JMJD1C: variants seen among roughly 807,000 people sequenced by gnomAD.
The protein encoded by JMJD1C is jumonji domain-containing protein 1C.
In JMJD1C, 31 loss-of-function variants were observed where a neutral mutation model predicts 245.3. The observed-to-expected ratio is 0.13, with a 90% confidence interval of 0.09 to 0.17. The LOEUF is 0.17. Among genes scored for constraint, JMJD1C ranks in the 10% least tolerant of loss-of-function variants. The probability of loss-of-function intolerance (pLI) is 1.00; values close to 1 mark genes in which losing one functional copy is unlikely to be tolerated. For synonymous variants in JMJD1C, 1,057 were observed against 1,017.4 expected (o/e 1.04, Z -0.74); for missense variants, 2,691 against 3,000.2 (o/e 0.90, Z 2.41).
chr10:63,277,727 A>ATTTTTTTTTTTTTTTTTT (rs1389505532), intron 2 of JMJD1C, among the ~76,000 whole-genome samples: 2 of 83,164 alleles, frequency 2.4e-5, no homozygotes, highest in African/African-American at 1.1e-4. Context: ...AGTAATTTGC[A>ATTTTTTTTTTTTTTTTTT]TTTCTTTTTT....
At chr10:63,240,415 T>C (rs1319669080) in intron 3 of JMJD1C, among the ~76,000 whole-genome samples, 3 of 152,152 alleles carry the variant, frequency 2.0e-5, no homozygotes, top group African/African-American at 7.2e-5. Context: ...AAAAGGACAG[T>C]GATCCAGTGT....
At chr10:63,250,689 G>C (rs1400692937) in intron 3 of JMJD1C, among the ~76,000 whole-genome samples, 1 of 152,312 alleles carries the variant, frequency 6.6e-6, no homozygotes, top group African/African-American at 2.4e-5. Context: ...TGCGATGAGA[G>C]AAACAGTTAG....
At chr10:63,183,617 A>T (rs761544238) in intron 21 of JMJD1C, 48 bp from the exon 22 acceptor site, 1 of 1,131,276 alleles carries the variant, frequency 8.8e-7, no homozygotes, top group Non-Finnish European at 1.2e-6. Context: ...ATATATATGT[A>T]ATAGCATAAT....
In JMJD1C at chr10:63,282,236, A is replaced by G. The variant is rs575103853; in HGVS notation, c.334-17472T>C. Reference sequence around the variant, plus strand: ...ATGTCAGCAACAATCTGGAAGCCAAATTTTTCAATGGACAAATGAGATACA... The same window carrying G: ...ATGTCAGCAACAATCTGGAAGCCAAGTTTTTCAATGGACAAATGAGATACA... On this transcript the variant is annotated intron_variant, in intron 2 of 25. Transcript: ENST00000399262. Among the ~76,000 whole-genome samples the G allele has an allele frequency of 3.5e-4, 54 of 152,290 alleles. 1 individual carries two copies. Among genetic ancestry groups the G allele is most frequent in the African/African-American group, 1.2e-3 (51 of 41,568 alleles).
At chr10:63,450,564 AG>A (rs1951994778) in intron 1 of JMJD1C, among the ~76,000 whole-genome samples, 1 of 152,186 alleles carries the variant, frequency 6.6e-6, no homozygotes, top group African/African-American at 2.4e-5. Context: ...CACATAATGA[AG>A]GGAAAAAAAA....
At chr10:63,277,105 TCTC>T (rs1237212870) in intron 2 of JMJD1C, among the ~76,000 whole-genome samples, 1 of 151,748 alleles carries the variant, frequency 6.6e-6, no homozygotes, top group African/African-American at 2.4e-5. Context: ...ATGGTCTCGA[TCTC>T]CTGACCTCGT....
At chr10:63,451,249 C>G (rs1952051874) in intron 1 of JMJD1C, among the ~76,000 whole-genome samples, 1 of 152,172 alleles carries the variant, frequency 6.6e-6, no homozygotes, top group East Asian at 1.9e-4. Flanking sequence ...TTAATATCCC[C>G]ATGTTTTCTA....
At chr10:63,324,738 T>G (rs1941319473) in intron 2 of JMJD1C, among the ~76,000 whole-genome samples, 1 of 152,184 alleles carries the variant, frequency 6.6e-6, no homozygotes, top group African/African-American at 2.4e-5. Flanking sequence ...TGGTGATAAG[T>G]GATTTAGAGA....
chr10:63,452,080 G>A lies in JMJD1C; in HGVS notation c.168+13415C>T, dbSNP rs4746134. Among the ~76,000 whole-genome samples the A allele has an allele frequency of 2.0e-3, 310 of 152,226 alleles. 6 individuals are homozygous for A. The East Asian group carries it at 0.024, about 12-fold the overall frequency. Reference sequence around the variant, plus strand: ...CAAAAGCACCAACAACAAAATAAAAGATGGATACATTGAACTACATTAAAA... The same window carrying A: ...CAAAAGCACCAACAACAAAATAAAAAATGGATACATTGAACTACATTAAAA... On this transcript the variant is annotated intron_variant, in intron 1 of 25. Coordinates refer to ENST00000399262, the MANE Select transcript of JMJD1C (RefSeq NM_032776.3).
At chr10:63,206,174 G>T (rs1432537199) in intron 10 of JMJD1C, among the ~76,000 whole-genome samples, 1 of 152,210 alleles carries the variant, frequency 6.6e-6, no homozygotes, top group Non-Finnish European at 1.5e-5. Flanking sequence ...ATATGTGTAT[G>T]TGAGCAGAAT....
chr10:63,308,506 G>A (rs755636115), intron 2 of JMJD1C, among the ~76,000 whole-genome samples: 1 of 151,282 alleles, frequency 6.6e-6, no homozygotes, highest in Non-Finnish European at 1.5e-5. Flanking sequence ...GCAACATGTA[G>A]GAAAAAGAGA....
chr10:63,363,553 T>C (rs543828235), intron 2 of JMJD1C, among the ~76,000 whole-genome samples: 445 of 151,954 alleles, frequency 2.9e-3, no homozygotes, highest in Admixed American at 4.9e-3. Context: ...CCACCACGCC[T>C]AACCCATACA....
At chr10:63,225,118 G>A (rs1050502745) in intron 3 of JMJD1C, among the ~76,000 whole-genome samples, 10 of 151,966 alleles carry the variant, frequency 6.6e-5, no homozygotes, top group African/African-American at 2.2e-4. Context: ...ACACTTTAAA[G>A]ACAGTAACTA....
chr10:63,340,365 C>G (rs892949197), intron 2 of JMJD1C, among the ~76,000 whole-genome samples: 2 of 152,200 alleles, frequency 1.3e-5, no homozygotes, highest in Admixed American at 1.3e-4. Flanking sequence ...ATGACAATGG[C>G]AGGCTCCACA....
chr10:63,395,744 T>TC (rs1948443128), intron 1 of JMJD1C, among the ~76,000 whole-genome samples: 1 of 152,180 alleles, frequency 6.6e-6, no homozygotes, highest in African/African-American at 2.4e-5. Flanking sequence ...TAGCAGATAA[T>TC]ATAATGAAAT....
At chr10:63,341,858 G>A (rs746963440) in intron 2 of JMJD1C, among the ~76,000 whole-genome samples, 2 of 152,236 alleles carry the variant, frequency 1.3e-5, no homozygotes, top group Non-Finnish European at 2.9e-5. Flanking sequence ...AACTGTAGGT[G>A]TGGAAGGTTT....
At chr10:63,235,449 G>C (rs1850622606) in intron 3 of JMJD1C, among the ~76,000 whole-genome samples, 1 of 152,048 alleles carries the variant, frequency 6.6e-6, no homozygotes, top group Non-Finnish European at 1.5e-5. Flanking sequence ...GTGAGCCGAG[G>C]TTGTGCCATT....
chr10:63,210,491 G>A (rs1002130518), intron 8 of JMJD1C, among the ~76,000 whole-genome samples: 1 of 152,136 alleles, frequency 6.6e-6, no homozygotes, highest in Non-Finnish European at 1.5e-5. Context: ...ACAGAGGCTA[G>A]ACAGTCATGG....
chr10:63,367,639 G>T (rs904889418), intron 2 of JMJD1C, among the ~76,000 whole-genome samples: 1 of 152,218 alleles, frequency 6.6e-6, no homozygotes, highest in Non-Finnish European at 1.5e-5. Flanking sequence ...GCTTAGATAA[G>T]GCCTGAAGAG....
Sources: allele counts gnomAD v4.1 joint callset (sites outside exome capture counted in the v4.1 genomes callset), GRCh38; gene constraint gnomAD v4.1.1; transcripts MANE v1.5; gene names NCBI Gene and HGNC (gene_info 2026-07-23, HGNC 2026-07-21).